ADCY8: variants seen among roughly 807,000 people sequenced by gnomAD.
ADCY8 encodes adenylate cyclase type 8.
ADCY8 carries 51 observed loss-of-function variants against 119.7 expected under a neutral mutation model. The ratio of observed to expected loss-of-function variants is 0.43; its 90% CI spans 0.34 to 0.54. The LOEUF (loss-of-function observed/expected upper bound fraction) is 0.54. Ranked by LOEUF, ADCY8 falls within the 20% of genes least tolerant of loss-of-function variation. ADCY8 has a pLI of 0.03. For missense variants in ADCY8, 1,383 were observed against 1,598.8 expected, an observed-to-expected ratio of 0.87 and a Z score of 2.30; for synonymous variants, 665 against 651.0, an observed-to-expected ratio of 1.02 and a Z score of -0.33.
intron 2 of ADCY8, among the ~76,000 whole-genome samples, chr8:130,984,187 G>A (rs1822325399): frequency 6.6e-6 from 1 of 150,862 alleles, no homozygotes. Flanking sequence ...GCTCTCTGTG[G>A]GGAGGACAGG....
chr8:130,829,306 G>A (rs1250973536), intron 12 of ADCY8, among the ~76,000 whole-genome samples: 1 of 152,186 alleles, frequency 6.6e-6, no homozygotes, highest in Non-Finnish European at 1.5e-5. Flanking sequence ...CCTAAGCCAT[G>A]GTTTCTAATC....
At chr8:130,921,113 T>C in intron 5 of ADCY8, among the ~76,000 whole-genome samples, 1 of 152,234 alleles carries the variant, frequency 6.6e-6, no homozygotes, top group Non-Finnish European at 1.5e-5. Context: ...TAACATTTTC[T>C]TTTCTAGTTC....
intron 1 of ADCY8, among the ~76,000 whole-genome samples, chr8:131,032,621 A>G (rs867964): frequency 0.088 from 13,462 of 152,126 alleles, 1,071 homozygotes; most frequent in African/African-American, 0.21. Context: ...GCATCTCCAT[A>G]GTTAATTAAT....
intron 7 of ADCY8, among the ~76,000 whole-genome samples, chr8:130,901,760 T>C (rs1257704086): frequency 6.6e-6 from 1 of 152,146 alleles, no homozygotes; most frequent in Non-Finnish European, 1.5e-5. Flanking sequence ...TGCTCTTCAG[T>C]CTGAAGGCAT....
At chr8:130,835,570 G>C (rs939162664) in intron 12 of ADCY8, among the ~76,000 whole-genome samples, 2 of 152,092 alleles carry the variant, frequency 1.3e-5, no homozygotes, top group African/African-American at 4.8e-5. Flanking sequence ...TTTCTCTAAG[G>C]AGTCTGGGTA....
At chr8:130,991,812 T>C (rs1239656846) in intron 1 of ADCY8, among the ~76,000 whole-genome samples, 1 of 152,182 alleles carries the variant, frequency 6.6e-6, no homozygotes, top group Non-Finnish European at 1.5e-5. Context: ...CTTACAACTT[T>C]GCTCAGTGAC....
intron 12 of ADCY8, among the ~76,000 whole-genome samples, chr8:130,824,955 C>G (rs1261081500): frequency 6.6e-6 from 1 of 152,176 alleles, no homozygotes; most frequent in Non-Finnish European, 1.5e-5. Context: ...CCCATCTAGT[C>G]CTTTAGTTGT....
chr8:130,946,157 T>C (rs7001029), intron 3 of ADCY8, among the ~76,000 whole-genome samples: 20,718 of 152,228 alleles, frequency 0.14, 1,927 homozygotes, highest in African/African-American at 0.26. Context: ...GGTTTACCAA[T>C]TTATTTATTC....
intron 9 of ADCY8, among the ~76,000 whole-genome samples, chr8:130,861,643 CT>C (rs1251200660): frequency 6.6e-6 from 1 of 152,006 alleles, no homozygotes; most frequent in East Asian, 1.9e-4. Flanking sequence ...TTATTTCTTC[CT>C]TTCTGATATG....
At position 131,009,720 on chromosome 8, in the gene ADCY8, G is replaced by C. The variant is rs556481006; in HGVS notation, c.961-19178C>G. Among the ~76,000 whole-genome samples the C allele has an allele frequency of 2.6e-5, 4 of 152,326 alleles. No individual in the cohort carries two copies. In the East Asian group the frequency reaches 7.7e-4, roughly 29 times the overall value. ...ATAATGCATTAGAGTAGAATCTGTAGATGGTAGGGAATCCAGGAAGGCTCC... is the reference window on the plus strand; with the variant it reads ...ATAATGCATTAGAGTAGAATCTGTACATGGTAGGGAATCCAGGAAGGCTCC... On this transcript the variant is annotated intron_variant, in intron 1 of 17. Coordinates refer to ENST00000286355, the MANE Select transcript of ADCY8 (RefSeq NM_001115.3).
intron 2 of ADCY8, among the ~76,000 whole-genome samples, chr8:130,968,929 G>T (rs1261189249): frequency 6.6e-6 from 1 of 152,068 alleles, no homozygotes; most frequent in Non-Finnish European, 1.5e-5. Flanking sequence ...ACATCTTAGG[G>T]CTTAAAGACT....
At chr8:130,882,481 C>A (rs775231232) in intron 8 of ADCY8, among the ~76,000 whole-genome samples, 1 of 152,094 alleles carries the variant, frequency 6.6e-6, no homozygotes, top group Non-Finnish European at 1.5e-5. Context: ...GAAGACAGCA[C>A]GGGATTGTCT....
At chr8:130,957,759 G>C (rs1821475530) in intron 2 of ADCY8, among the ~76,000 whole-genome samples, 1 of 152,260 alleles carries the variant, frequency 6.6e-6, no homozygotes, top group Non-Finnish European at 1.5e-5. Flanking sequence ...TCAATGTAGA[G>C]CTCAGGCCGT....
At chr8:130,928,505 C>T (rs899076599) in intron 5 of ADCY8, among the ~76,000 whole-genome samples, 2 of 152,042 alleles carry the variant, frequency 1.3e-5, no homozygotes, top group Non-Finnish European at 2.9e-5. Context: ...TTTTCAAATG[C>T]TTTTTCTGCA....
At chr8:130,836,504 C>G in intron 11 of ADCY8, 55 bp from the exon 12 acceptor site, 3 of 1,570,844 alleles carry the variant, frequency 1.9e-6, no homozygotes, top group Non-Finnish European at 2.6e-6. Flanking sequence ...GTTCCCTCTC[C>G]TAGCCATGGA....
intron 5 of ADCY8, among the ~76,000 whole-genome samples, chr8:130,919,584 A>C (rs938756929): frequency 6.6e-5 from 10 of 152,134 alleles, no homozygotes; most frequent in African/African-American, 2.4e-4. Context: ...TGGTGTCACT[A>C]TTTTTGTCAT....
chr8:130,822,535 A>AATCCATGAATCCATCCATCCATCC (rs1554603776), intron 12 of ADCY8, among the ~76,000 whole-genome samples: 22 of 139,660 alleles, frequency 1.6e-4, no homozygotes, highest in South Asian at 2.5e-4. Context: ...TGAATCCATG[A>AATCCATGAATCCATCCATCCATCC]ATCCATCCAT....
chr8:131,038,241 A>G (rs1203070329), intron 1 of ADCY8, among the ~76,000 whole-genome samples: 4 of 152,178 alleles, frequency 2.6e-5, no homozygotes, highest in African/African-American at 9.7e-5. Context: ...ATCTATTCAA[A>G]TTCGACCATA....
intron 5 of ADCY8, among the ~76,000 whole-genome samples, chr8:130,930,076 T>C (rs1432724318): frequency 6.6e-6 from 1 of 152,222 alleles, no homozygotes; most frequent in Non-Finnish European, 1.5e-5. Flanking sequence ...TTGTTTTTCA[T>C]CCATTAAGGC....
Sources: gnomAD v4.1 joint callset for allele counts (sites outside exome capture counted in the v4.1 genomes callset) on GRCh38, gnomAD v4.1.1 for gene constraint, MANE v1.5 for transcripts, NCBI Gene and HGNC (gene_info 2026-07-23, HGNC 2026-07-21) for gene names.